The following ZNF343 variants were observed in gnomAD, a reference collection of about 807,000 sequenced individuals.
ZNF343 encodes zinc finger protein 343.
Under a neutral mutation model 13.8 loss-of-function variants are expected in ZNF343, and 11 were observed. The observed-to-expected ratio is 0.80, with a 90% CI of 0.50 to 1.32. The LOEUF is 1.32. ZNF343 is among the 40% of genes most tolerant of loss of function. The pLI, the probability that ZNF343 is intolerant of heterozygous loss-of-function variation, is 0.00. For missense variants in ZNF343, 658 were observed against 714.2 expected (o/e 0.92, Z 0.90); for synonymous variants, 248 against 260.0 (o/e 0.95, Z 0.44).
intron 1 of ZNF343, among the ~76,000 whole-genome samples, chr20:2,516,110 A>G (rs2085758126): frequency 6.6e-6 from 1 of 151,826 alleles, no homozygotes; most frequent in Non-Finnish European, 1.5e-5. Flanking sequence ...TAGGGTGATG[A>G]TCAAGGTTGG....
intron 5 of ZNF343, chr20:2,486,883 A>C (rs932045427): frequency 6.6e-6 from 1 of 152,234 alleles, no homozygotes; most frequent in Non-Finnish European, 1.5e-5. Flanking sequence ...TCAATAGAGA[A>C]GGAGTTGGCC....
chr20:2,521,359 T>C (rs1167379313), intron 1 of ZNF343, among the ~76,000 whole-genome samples: 1 of 152,212 alleles, frequency 6.6e-6, no homozygotes, highest in Admixed American at 6.5e-5. Flanking sequence ...GGGCTTCTTC[T>C]CTGGAGTCAG....
At chr20:2,516,605 T>C (rs2085760516) in intron 1 of ZNF343, among the ~76,000 whole-genome samples, 1 of 151,802 alleles carries the variant, frequency 6.6e-6, no homozygotes, top group Non-Finnish European at 1.5e-5. Context: ...ACAACAGTGA[T>C]GATGAGGGTC....
At position 2,508,020 on chromosome 20, in the gene ZNF343, A is replaced by G. The variant is rs1196420963; in HGVS notation, c.-237+861T>C. ...GGAGTCAGCCAGACGGGCCACCCAG[A>G]TGACGACCAAACCCAGGAACTTTGC... On this transcript the variant is annotated intron_variant, in intron 1 of 5. Coordinates refer to ENST00000278772, the MANE Select transcript of ZNF343 (RefSeq NM_024325.6). This position sits in a 1 kb window ranked among gnomAD's most constrained non-coding sequence, Gnocchi z 4.5. Among the ~76,000 whole-genome samples the G allele has an allele frequency of 6.6e-6, 1 of 152,016 alleles. No homozygotes were observed. The highest frequency in any genetic ancestry group is 2.4e-5 in the African/African-American group (1 of 41,358).
chr20:2,522,280 A>G (rs1289822930), intron 1 of ZNF343, among the ~76,000 whole-genome samples: 1 of 152,226 alleles, frequency 6.6e-6, no homozygotes, highest in African/African-American at 2.4e-5. Flanking sequence ...ATTTATCTAA[A>G]TTGGTTCTAA....
intron 1 of ZNF343, among the ~76,000 whole-genome samples, chr20:2,522,790 G>T (rs1370592621): frequency 6.6e-6 from 1 of 152,118 alleles, no homozygotes; most frequent in African/African-American, 2.4e-5. Flanking sequence ...CTCTACAAAA[G>T]ACACAAAAAA....
chr20:2,493,031 C>T, intron 4 of ZNF343: 1 of 607,252 alleles, frequency 1.6e-6, no homozygotes, highest in Non-Finnish European at 2.8e-6. Flanking sequence ...GAGCACAGAA[C>T]ACATTCTAGG....
intron 3 of ZNF343, 52 bp downstream of exon 3, chr20:2,493,726 C>T (rs1747741003): frequency 7.2e-6 from 11 of 1,518,870 alleles, no homozygotes; most frequent in Non-Finnish European, 9.1e-6. Flanking sequence ...TTCAGGTGAA[C>T]CTGGAGCCTT....
intron 1 of ZNF343, among the ~76,000 whole-genome samples, chr20:2,515,299 G>GT (rs1229192493): frequency 3.7e-5 from 4 of 107,058 alleles, no homozygotes; most frequent in East Asian, 3.2e-4. Context: ...ATCCCATATT[G>GT]GTTTTTTTCT....
intron 2 of ZNF343, among the ~76,000 whole-genome samples, chr20:2,498,210 G>C (rs963802758): frequency 3.3e-5 from 5 of 152,196 alleles, no homozygotes; most frequent in Admixed American, 2.6e-4. Context: ...TACAAAATTA[G>C]CCGGGCGTGG....
At chr20:2,515,496 A>G (rs1398303578) in intron 1 of ZNF343, among the ~76,000 whole-genome samples, 2 of 152,238 alleles carry the variant, frequency 1.3e-5, no homozygotes, top group Non-Finnish European at 1.5e-5. Context: ...AAAATATTCC[A>G]AAAGCATTCA....
rs147537081 is a variant in ZNF343, at chr20:2,504,949, A to C, written c.-237+3932T>G. On this transcript the variant is annotated intron_variant, in intron 1 of 5. Transcript: ENST00000278772. The stretch of plus-strand genomic sequence containing the variant: ...TCAACATAATTGTTGGAAGTTCTGG[A>C]CAGGGCAATCAGGCAGGAGAAGGAA... Among the ~76,000 whole-genome samples, 1,285 of 152,262 alleles carry C rather than the reference A, an allele frequency of 8.4e-3. 6 individuals carry two copies. Among genetic ancestry groups the C allele is most frequent in the African/African-American group, 0.015 (608 of 41,542 alleles).
intron 5 of ZNF343, among the ~76,000 whole-genome samples, chr20:2,486,324 A>G (rs1036820922): frequency 6.6e-6 from 1 of 152,226 alleles, no homozygotes; most frequent in Non-Finnish European, 1.5e-5. Context: ...TCATTTCACT[A>G]AAGATAATTT....
chr20:2,491,305 T>G (rs1264402002), intron 5 of ZNF343, among the ~76,000 whole-genome samples: 2 of 152,206 alleles, frequency 1.3e-5, no homozygotes, highest in Admixed American at 1.3e-4. Flanking sequence ...ATTAATAAGT[T>G]TTATGTTAAT....
intron 2 of ZNF343, among the ~76,000 whole-genome samples, chr20:2,496,809 G>A (rs748293463): frequency 5.6e-4 from 85 of 152,318 alleles, no homozygotes; most frequent in African/African-American, 1.5e-3. Context: ...AGCCAGGCAC[G>A]GTGACTCATG....
At chr20:2,522,841 C>G (rs940067390) in intron 1 of ZNF343, among the ~76,000 whole-genome samples, 19 of 152,226 alleles carry the variant, frequency 1.2e-4, no homozygotes, top group African/African-American at 4.6e-4. Context: ...GACCCAGCTA[C>G]TTGGGAGGCT....
intron 1 of ZNF343, among the ~76,000 whole-genome samples, chr20:2,520,462 G>A (rs1005503791): frequency 2.0e-5 from 3 of 151,982 alleles, no homozygotes; most frequent in East Asian, 1.9e-4. Context: ...GCAAGACCCC[G>A]TCTCTATTAA....
chr20:2,522,874 C>T, intron 1 of ZNF343, among the ~76,000 whole-genome samples: 1 of 152,156 alleles, frequency 6.6e-6, no homozygotes. Context: ...TCGCTTGAGC[C>T]TGGGAGGCAG....
chr20:2,509,691 A>G (rs1758440695), upstream of ZNF343, among the ~76,000 whole-genome samples: 1 of 152,178 alleles, frequency 6.6e-6, no homozygotes, highest in South Asian at 2.1e-4. Context: ...ATATTTTAAA[A>G]CTAATAATAT....
Sources: gnomAD v4.1 joint callset for allele counts (sites outside exome capture counted in the v4.1 genomes callset) on GRCh38, gnomAD v4.1.1 for gene constraint, Gnocchi (gnomAD v3.1) non-coding constraint, MANE v1.5 for transcripts, NCBI Gene and HGNC (gene_info 2026-07-23, HGNC 2026-07-21) for gene names.